Variants in IFNAR2 observed in about 807,000 individuals in gnomAD.
IFNAR2 encodes the protein interferon alpha and beta receptor subunit 2, also known as interferon alpha/beta receptor 2.
In IFNAR2, 30 loss-of-function variants were observed where a neutral mutation model predicts 49.4. That is an observed-to-expected ratio of 0.61 (90% confidence interval 0.45 to 0.82). The LOEUF is 0.82. IFNAR2 is among the 40% of genes least tolerant of loss of function. IFNAR2 has a pLI of 0.00. For synonymous variants in IFNAR2, 224 were observed against 234.5 expected, an observed-to-expected ratio of 0.96 and a Z score of 0.41; for missense variants, 600 against 622.7, an observed-to-expected ratio of 0.96 and a Z score of 0.39.
chr21:33,236,573 T>G (rs1440676421), intron 1 of IFNAR2, among the ~76,000 whole-genome samples: 2 of 152,180 alleles, frequency 1.3e-5, no homozygotes, highest in Non-Finnish European at 2.9e-5. Context: ...CTCTCCAGCA[T>G]CTGCACCAGG....
At position 33,264,613 on chromosome 21, in the gene IFNAR2, CTA is replaced by C. The variant is rs1273894515; in HGVS notation, c.*1115_*1116del. ...TATTTGACAATTTTCAGAGTGCTCT[CTA>C]TGCTGATTCCGAGTCGAGTGTGTCA... On this transcript the variant is annotated 3_prime_UTR_variant, in exon 9 of 9. Transcript: ENST00000342136. 6.7e-6 allele frequency: 1 copy of C among 149,526 alleles called. No individual in the cohort carries two copies. Among genetic ancestry groups the C allele is most frequent in the Non-Finnish European group, 1.5e-5 (1 of 67,558 alleles). 9.3% of individuals were successfully genotyped at this position (149,526 alleles called of 1,614,324 possible). A position where few individuals can be genotyped will look rare whatever the true frequency, so the allele number is the denominator to read the frequency against.
In IFNAR2 at chr21:33,265,109, C is replaced by G. The variant is rs1041419534; in HGVS notation, c.*1609C>G. On this transcript the variant is annotated 3_prime_UTR_variant, in exon 9 of 9. Transcript: ENST00000342136. Reference sequence around the variant, plus strand: ...GTGTGACCCTAGGCATTTGACTTAGCCTTTCTGAGCCTCAGGTTTTTTGTT... The same window carrying G: ...GTGTGACCCTAGGCATTTGACTTAGGCTTTCTGAGCCTCAGGTTTTTTGTT... 6.6e-6 allele frequency: 1 copy of G among 152,164 alleles called. No individual in the cohort carries two copies. Among genetic ancestry groups the G allele is most frequent in the East Asian group, 1.9e-4 (1 of 5,200 alleles). 9.4% of individuals were successfully genotyped at this position (152,164 alleles called of 1,614,324 possible).
intron 7 of IFNAR2, among the ~76,000 whole-genome samples, chr21:33,254,980 C>T (rs1988108872): frequency 6.6e-6 from 1 of 152,150 alleles, no homozygotes; most frequent in African/African-American, 2.4e-5. Context: ...AGCCACGGAA[C>T]GTTGCCTGGC....
At chr21:33,254,866 G>A (rs1988102702) in intron 7 of IFNAR2, among the ~76,000 whole-genome samples, 1 of 152,166 alleles carries the variant, frequency 6.6e-6, no homozygotes, top group Admixed American at 6.5e-5. Context: ...TGTGTCATGG[G>A]CCATTGGTCA....
At chr21:33,244,850 T>C (rs1005380147) in intron 3 of IFNAR2, 101 bp from the exon 4 acceptor site, 1 of 1,120,764 alleles carries the variant, frequency 8.9e-7, no homozygotes, top group African/African-American at 1.6e-5. Flanking sequence ...AGAGGTTATC[T>C]GCCAGAGGTG....
intron 3 of IFNAR2, 72 bp downstream of exon 3, chr21:33,243,786 T>A (rs1375168496): frequency 2.9e-6 from 3 of 1,048,732 alleles, no homozygotes; most frequent in African/African-American, 3.1e-5. Context: ...TTCAGAGGTA[T>A]AAAATGTGGG....
At chr21:33,233,985 T>A (rs965927533) in intron 1 of IFNAR2, among the ~76,000 whole-genome samples, 3 of 151,992 alleles carry the variant, frequency 2.0e-5, no homozygotes, top group Admixed American at 2.0e-4. Flanking sequence ...AAGAATGGAA[T>A]AGTAAATATG....
intron 1 of IFNAR2, chr21:33,231,788 C>A: frequency 1.6e-6 from 1 of 622,164 alleles, no homozygotes; most frequent in Non-Finnish European, 2.0e-6. Flanking sequence ...GTCGCGCAGG[C>A]TGGAGTGCAG....
rs1465436443 is a variant in IFNAR2 at position 33,264,998 on chromosome 21, G to A, written c.*1498G>A. 1 of 152,218 alleles carries A rather than the reference G, an allele frequency of 6.6e-6. No homozygotes were observed. The highest frequency in any genetic ancestry group is 1.9e-4 in the East Asian group (1 of 5,190). The allele number at this position is 152,218 out of a possible 1,614,324, so 9.4% of individuals were successfully genotyped here. A position where few individuals can be genotyped will look rare whatever the true frequency, so the allele number is the denominator to read the frequency against. The stretch of plus-strand genomic sequence containing the variant: ...AGAACCAGACCCTGTCTTTAAAAAG[G>A]GAGTTGGTGGGGAGAGGTTCTAGAA... On this transcript the variant is annotated 3_prime_UTR_variant, in exon 9 of 9. Transcript: ENST00000342136.
At chr21:33,237,078 G>GGTGGGTGTGTGTGTGT (rs57276350) in intron 1 of IFNAR2, among the ~76,000 whole-genome samples, 15,377 of 147,470 alleles carry the variant, frequency 0.1, 1,015 homozygotes, top group East Asian at 0.26. Context: ...GGGAGAATGG[G>GGTGGGTGTGTGTGTGT]GTGTGTGTGT....
Position 33,230,057 on chromosome 21 carries a change from C to G in IFNAR2, c.-243C>G, listed in dbSNP as rs926927081. 4 of 986,770 alleles carry G rather than the reference C, an allele frequency of 4.1e-6. No homozygotes were observed. In the African/African-American group the frequency reaches 7.0e-5, roughly 17 times the overall value. 61.1% of individuals were successfully genotyped at this position (986,770 alleles called of 1,614,324 possible). A position where few individuals can be genotyped will look rare whatever the true frequency, so the allele number is the denominator to read the frequency against. On this transcript the variant is annotated 5_prime_UTR_variant, in exon 1 of 9. Transcript: ENST00000342136. The surrounding 1 kb of genome is among the most constrained non-coding windows in gnomAD (Gnocchi z 5.5). ...TCCCCGAGCGCAGCCCGCGGACCACCACCCGGCCGCACGGGCCGCTTTTGT... is the reference window on the plus strand; with the variant it reads ...TCCCCGAGCGCAGCCCGCGGACCACGACCCGGCCGCACGGGCCGCTTTTGT...
rs768348126 is a variant in IFNAR2, at chr21:33,248,721, C to G, written c.407C>G (p.Pro136Arg). The G allele has an allele frequency of 3.1e-6, 5 of 1,605,264 alleles. No individual in the cohort carries two copies. Among genetic ancestry groups the G allele is most frequent in the Non-Finnish European group, 4.2e-6 (5 of 1,176,588 alleles). The change falls in exon 6 of 9, where the codon CCA (proline) becomes CGA (arginine). Residue 136 changes from proline (P) to arginine (R), a missense_variant. Pro to Arg is a moderately radical substitution (Grantham distance 103). Transcript: ENST00000342136. ...GTTTTTTGCACAGTGTCTTTTGAAC[C>G]ACCAGAGTTTGAGATTGTTGGTTTT... is the stretch of plus-strand genomic sequence containing the variant. ...FWLAIDMSFEPPEFEIVGFTN... is the reference protein window; with the variant it reads ...FWLAIDMSFERPEFEIVGFTN...
At chr21:33,256,573 A>G (rs906942770) in intron 7 of IFNAR2, among the ~76,000 whole-genome samples, 10 of 152,186 alleles carry the variant, frequency 6.6e-5, no homozygotes, top group African/African-American at 1.9e-4. Flanking sequence ...GCAGACTGAT[A>G]TGGGGGGATT....
chr21:33,251,658 A>G, intron 6 of IFNAR2: 1 of 985,298 alleles, frequency 1.0e-6, no homozygotes. Flanking sequence ...CTCATTTATT[A>G]AACTGCTAGT....
intron 5 of IFNAR2, among the ~76,000 whole-genome samples, chr21:33,247,254 C>CTTTTT (rs59707670): frequency 0.011 from 1,027 of 91,442 alleles, 65 homozygotes; most frequent in African/African-American, 0.039. Flanking sequence ...TTCTTTCTTT[C>CTTTTT]TTTTTTTTTT....
At chr21:33,244,157 C>T (rs1987209982) in intron 3 of IFNAR2, among the ~76,000 whole-genome samples, 1 of 152,136 alleles carries the variant, frequency 6.6e-6, no homozygotes, top group Non-Finnish European at 1.5e-5. Flanking sequence ...AAATATGTGT[C>T]CAACCTTGTG....
intron 4 of IFNAR2, among the ~76,000 whole-genome samples, chr21:33,246,366 G>C (rs1482537685): frequency 6.6e-6 from 1 of 152,142 alleles, no homozygotes; most frequent in Non-Finnish European, 1.5e-5. Flanking sequence ...CACTGCACCC[G>C]GCTCCTCCGG....
chr21:33,241,785 T>C, intron 1 of IFNAR2, 55 bp from the exon 2 acceptor site: 2 of 1,272,172 alleles, frequency 1.6e-6, no homozygotes, highest in Non-Finnish European at 2.1e-6. Context: ...GGAATTTTAC[T>C]ATTCCTTACA....
intron 4 of IFNAR2, 53 bp from the exon 5 acceptor site, chr21:33,246,663 ACT>A (rs1283297227): frequency 3.5e-6 from 5 of 1,411,780 alleles, no homozygotes; most frequent in South Asian, 2.5e-5. Flanking sequence ...CCAAAAATAG[ACT>A]CTCATTACAT....
Sources: gnomAD v4.1 joint callset for allele counts (sites outside exome capture counted in the v4.1 genomes callset) on GRCh38, gnomAD v4.1.1 for gene constraint, Gnocchi (gnomAD v3.1) non-coding constraint, MANE v1.5 for transcripts, NCBI Gene and HGNC (gene_info 2026-07-23, HGNC 2026-07-21) for gene names.